NOTCH1: variants seen among roughly 807,000 people sequenced by gnomAD.
NOTCH1 encodes notch receptor 1, also known as neurogenic locus notch homolog protein 1.
Under a neutral mutation model 254.8 loss-of-function variants are expected in NOTCH1, and 37 were observed. The observed-to-expected ratio is 0.15, with a 90% CI of 0.11 to 0.19. NOTCH1 has a LOEUF of 0.19. NOTCH1 is among the 10% of genes least tolerant of loss of function. The pLI is 1.00. For synonymous variants in NOTCH1, 1,731 were observed against 1,618.1 expected (o/e 1.07, Z -1.68); for missense variants, 2,972 against 3,708.6 (o/e 0.80, Z 5.16).
chr9:136,503,207 G>A lies in NOTCH1; in HGVS notation c.5142C>T (p.Ile1714=), dbSNP rs2133333188. 1 of 1,612,928 alleles carries A rather than the reference G, an allele frequency of 6.2e-7. No individual in the cohort carries two copies. Among genetic ancestry groups the A allele is most frequent in the Non-Finnish European group, 8.5e-7 (1 of 1,180,024 alleles). Residue 1714 remains isoleucine, a synonymous_variant, in exon 27 of 34, where the codon ATC becomes ATT. Transcript: ENST00000651671. ...TCTGCACGGCCTCGATCTTGTAGGG[G>A]ATGTTGAGGCTGCCCAGCGAGGCGA... is the stretch of plus-strand genomic sequence containing the variant. ...GALASLGSLN[I]PYKIEAVQSE... is the part of the protein sequence containing the mutation.
chr9:136,510,380 G>A lies in NOTCH1; in HGVS notation c.2740+273C>T, dbSNP rs1003593915. On this transcript the variant is annotated intron_variant, in intron 17 of 33. Coordinates refer to ENST00000651671, the MANE Select transcript of NOTCH1 (RefSeq NM_017617.5). ...CCCGATGAGCCAGGCGGGAGTGCAG[G>A]CCGGGCCCGAGCCATCCTCGGCTCA... 5.1e-6 allele frequency: 3 copies of A among 587,658 alleles called. No homozygotes were observed. In the African/African-American group the frequency reaches 5.6e-5, roughly 11 times the overall value. The allele number at this position is 587,658 out of a possible 1,614,324, so 36.4% of individuals were successfully genotyped here.
At chr9:136,538,043 C>G (rs1589081251) in intron 2 of NOTCH1, among the ~76,000 whole-genome samples, 1 of 152,288 alleles carries the variant, frequency 6.6e-6, no homozygotes, top group South Asian at 2.1e-4. Flanking sequence ...CTGCGTCACT[C>G]TAATCCAGTC....
intron 2 of NOTCH1, among the ~76,000 whole-genome samples, chr9:136,532,865 T>C (rs1843584157): frequency 6.6e-6 from 1 of 152,044 alleles, no homozygotes. Context: ...CTCGTGGGGG[T>C]GGCCGGCCTG....
intron 2 of NOTCH1, among the ~76,000 whole-genome samples, chr9:136,532,558 G>A (rs556761922): frequency 6.0e-4 from 92 of 152,296 alleles, no homozygotes; most frequent in African/African-American, 2.1e-3. Flanking sequence ...ACATCCCCGG[G>A]GGAGCCGGGC....
intron 26 of NOTCH1, among the ~76,000 whole-genome samples, chr9:136,504,212 A>T (rs532974494): frequency 3.9e-5 from 6 of 152,262 alleles, no homozygotes; most frequent in South Asian, 4.1e-4. Flanking sequence ...TACTTTTTTA[A>T]AAAAAACAGA....
chr9:136,498,608 T>C (rs1842951460), intron 33 of NOTCH1, among the ~76,000 whole-genome samples: 1 of 152,130 alleles, frequency 6.6e-6, no homozygotes, highest in Non-Finnish European at 1.5e-5. Flanking sequence ...CGCCAGGCTG[T>C]GTGCCCCGCC....
At chr9:136,538,560 G>C (rs944861539) in intron 2 of NOTCH1, among the ~76,000 whole-genome samples, 1 of 152,274 alleles carries the variant, frequency 6.6e-6, no homozygotes, top group Admixed American at 6.5e-5. Context: ...ACGCAGCCCG[G>C]CCCACAGGTG....
At position 136,500,687 on chromosome 9, in the gene NOTCH1, G is replaced by A; in HGVS notation, c.5799C>T (p.His1933=). ...CAGAGCGTGAGTAGCGGGCGGCCAG[G>A]TGCAAGGCGGTCTCGCCCGTGCGGT... The part of the protein sequence containing the change: ...QTDRTGETAL[H]LAARYSRSDA... The change falls in exon 31 of 34, where the codon CAC becomes CAT. Residue 1933 remains histidine (H), a synonymous_variant. Coordinates refer to ENST00000651671, the MANE Select transcript of NOTCH1 (RefSeq NM_017617.5). The A allele has an allele frequency of 6.2e-7, 1 of 1,610,958 alleles. No individual in the cohort carries two copies. Among genetic ancestry groups the A allele is most frequent in the East Asian group, 2.2e-5 (1 of 44,884 alleles).
rs2133343138 is a variant in NOTCH1 at position 136,506,718 on chromosome 9, G to A, written c.3899C>T (p.Thr1300Ile). The change falls in exon 23 of 34, where the codon ACC becomes ATC. Residue 1300 changes from threonine (T) to isoleucine (I), a missense_variant and splice_region_variant. This residue lies in a region of NOTCH1 where 1,343 missense variants were observed against 1,557.0 expected (regional missense o/e 0.86). Coordinates refer to ENST00000651671, the MANE Select transcript of NOTCH1 (RefSeq NM_017617.5). This position sits in a 1 kb window ranked among gnomAD's most constrained non-coding sequence, Gnocchi z 4.5. ...ACCCGCCTGGGCGCGGCACCCACCG[G>A]TGTGACCAGCACGGCACTCGCAGTG... ...DFHCECRAGH[T>I]GRRCESVING... 6.3e-7 allele frequency: 1 copy of A among 1,598,978 alleles called. No homozygotes were observed. The highest frequency in any genetic ancestry group is 8.5e-7 in the Non-Finnish European group (1 of 1,173,492).
intron 2 of NOTCH1, among the ~76,000 whole-genome samples, chr9:136,541,808 G>A (rs932970991): frequency 3.2e-4 from 49 of 152,220 alleles, no homozygotes; most frequent in Non-Finnish European, 4.0e-4. Flanking sequence ...CCAACTCTGC[G>A]GCCCAGAAGC....
At chr9:136,501,975 A>G (rs890621391) in intron 29 of NOTCH1, 26 bp downstream of exon 29, 11 of 1,611,676 alleles carry the variant, frequency 6.8e-6, no homozygotes, top group African/African-American at 1.3e-5. Flanking sequence ...CCGGGAGCCC[A>G]GGAGCCCGGG....
At chr9:136,532,720 G>A (rs1347933857) in intron 2 of NOTCH1, among the ~76,000 whole-genome samples, 5 of 152,248 alleles carry the variant, frequency 3.3e-5, no homozygotes, top group African/African-American at 7.2e-5. Flanking sequence ...GGCCCCAGCC[G>A]CTTCCCATCT....
rs1325767083 is a variant in NOTCH1 at position 136,499,248 on chromosome 9, C to T, written c.5946G>A (p.Arg1982=). 6.2e-7 allele frequency: 1 copy of T among 1,612,788 alleles called. No individual in the cohort carries two copies. Among genetic ancestry groups the T allele is most frequent in the East Asian group, 2.2e-5 (1 of 44,880 alleles). Residue 1982 remains arginine (R), a synonymous_variant, in exon 32 of 34, where the codon CGG becomes CGA. Coordinates refer to ENST00000651671, the MANE Select transcript of NOTCH1 (RefSeq NM_017617.5). ...DAQGVFQILI[R]NRATDLDARM... ...GGGCATCCAGGTCTGTGGCTCGGTT[C>T]CGGATCAGGATCTGGGCAACAGGGA... is the stretch of plus-strand genomic sequence containing the variant.
rs560345462 is a variant in NOTCH1 at position 136,545,994 on chromosome 9, G to GCCCGCGCCCCGCGC, written c.-222_-209dup. ...GTTCCTTCGCTGCGCTCGCGCCCGCGCCCGCGCCCCGCGCCCCGCGCCCTT... is the reference window on the plus strand; with the variant it reads ...GTTCCTTCGCTGCGCTCGCGCCCGCGCCCGCGCCCCGCGCCCCGCGCCCCGCGCCCCGCGCCCTT... On this transcript the variant is annotated 5_prime_UTR_variant, in exon 1 of 34. Transcript: ENST00000651671. The surrounding 1 kb of genome is among the most constrained non-coding windows in gnomAD (Gnocchi z 6.8). 1.6e-5 allele frequency among the ~76,000 whole-genome samples: 2 copies of GCCCGCGCCCCGCGC among 124,306 alleles called. No individual in the cohort carries two copies. Among genetic ancestry groups the GCCCGCGCCCCGCGC allele is most frequent in the Non-Finnish European group, 3.3e-5 (2 of 61,384 alleles). The allele number at this position is 124,306 out of a possible 152,430, so 81.5% of individuals were successfully genotyped here. A position where few individuals can be genotyped will look rare whatever the true frequency, so the allele number is the denominator to read the frequency against.
chr9:136,517,503 G>C, intron 8 of NOTCH1, 118 bp from the exon 9 acceptor site: 2 of 850,116 alleles, frequency 2.4e-6, no homozygotes, highest in East Asian at 2.7e-5. Flanking sequence ...AGCCACCACG[G>C]GCCCCCTGCG....
At chr9:136,521,734 C>T (rs1039684968) in intron 4 of NOTCH1, among the ~76,000 whole-genome samples, 5 of 152,368 alleles carry the variant, frequency 3.3e-5, no homozygotes, top group African/African-American at 1.2e-4. Context: ...GAAACGCACA[C>T]GTCTGGTGTC....
chr9:136,510,223 G>C (rs993051297), intron 17 of NOTCH1, among the ~76,000 whole-genome samples: 2 of 152,238 alleles, frequency 1.3e-5, no homozygotes, highest in African/African-American at 2.4e-5. Context: ...AGGCTTCACA[G>C]ACCGAGCAGG....
intron 2 of NOTCH1, 185 bp downstream of exon 2, chr9:136,543,839 G>A (rs997624260): frequency 1.9e-5 from 13 of 688,638 alleles, no homozygotes; most frequent in African/African-American, 3.5e-5. Flanking sequence ...AGCTCCACAC[G>A]CAGCATAATT....
At position 136,496,959 on chromosome 9, in the gene NOTCH1, C is replaced by A. The variant is rs774772710; in HGVS notation, c.6780G>T (p.Gly2260=). The change falls in exon 34 of 34, where the codon GGG becomes GGT. Residue 2260 remains glycine (G), a synonymous_variant. Transcript: ENST00000651671. ...CAGTCTCAAAGGCCAGCCGGCCGCC[C>A]CCACCCAGCGCCGCCATCTCGGGCT... The part of the protein sequence containing the change: ...AAKPEMAALG[G]GGRLAFETGP... The A allele has an allele frequency of 6.2e-7, 1 of 1,610,902 alleles. No individual in the cohort carries two copies. Among genetic ancestry groups the A allele is most frequent in the Non-Finnish European group, 8.5e-7 (1 of 1,179,380 alleles).
Sources: allele counts gnomAD v4.1 joint callset (sites outside exome capture counted in the v4.1 genomes callset), GRCh38; gene constraint gnomAD v4.1.1; regional missense constraint gnomAD v4.1.1; non-coding constraint Gnocchi (gnomAD v3.1); transcripts MANE v1.5; gene names NCBI Gene and HGNC (gene_info 2026-07-23, HGNC 2026-07-21).